SPATA13: variants seen among roughly 807,000 people sequenced by gnomAD.
SPATA13 encodes the protein spermatogenesis-associated protein 13.
In SPATA13, 50 loss-of-function variants were observed where a neutral mutation model predicts 104.0. That is an observed-to-expected ratio of 0.48 (90% CI 0.38 to 0.61). SPATA13 has a LOEUF of 0.61. SPATA13 is among the 20% of genes least tolerant of loss of function. SPATA13 has a pLI of 0.00. For synonymous variants in SPATA13, 606 were observed against 667.5 expected, an observed-to-expected ratio of 0.91 and a Z score of 1.42; for missense variants, 1,524 against 1,690.6, an observed-to-expected ratio of 0.90 and a Z score of 1.73.
At chr13:24,183,381 G>T (rs529899850) in intron 1 of SPATA13, among the ~76,000 whole-genome samples, 3 of 152,194 alleles carry the variant, frequency 2.0e-5, no homozygotes, top group Admixed American at 6.5e-5. Flanking sequence ...ATTTAACAAC[G>T]GCATCATCAT....
chr13:24,243,248 G>A (rs1566169319), intron 2 of SPATA13, among the ~76,000 whole-genome samples: 2 of 152,062 alleles, frequency 1.3e-5, no homozygotes, highest in Admixed American at 6.6e-5. Flanking sequence ...ACTACGTTAC[G>A]GCTCTTTTAA....
chr13:24,301,985 A>G (rs1877218394), intron 12 of SPATA13, among the ~76,000 whole-genome samples: 1 of 152,186 alleles, frequency 6.6e-6, no homozygotes, highest in Non-Finnish European at 1.5e-5. Flanking sequence ...TCATTTCCCC[A>G]GTAATCCCAG....
intron 1 of SPATA13, among the ~76,000 whole-genome samples, chr13:24,189,457 G>C (rs1869370481): frequency 7.3e-6 from 1 of 136,432 alleles, no homozygotes; most frequent in Non-Finnish European, 1.6e-5. Flanking sequence ...CTGGGTGACA[G>C]AGCGAGACTC....
At chr13:24,199,676 C>G (rs185496231) in intron 1 of SPATA13, among the ~76,000 whole-genome samples, 2 of 152,236 alleles carry the variant, frequency 1.3e-5, no homozygotes, top group African/African-American at 4.8e-5. Flanking sequence ...GTCTTGTGAT[C>G]TAAGCTCTAC....
intron 1 of SPATA13, among the ~76,000 whole-genome samples, chr13:24,203,054 T>A (rs189554463): frequency 3.3e-4 from 50 of 152,232 alleles, no homozygotes; most frequent in Non-Finnish European, 5.4e-4. Context: ...GCCATGGTGG[T>A]TGGCTGCAGA....
intron 3 of SPATA13, among the ~76,000 whole-genome samples, chr13:24,081,866 G>A (rs543150238): frequency 1.3e-5 from 2 of 152,208 alleles, no homozygotes; most frequent in East Asian, 1.9e-4. Flanking sequence ...CACTTTCCAC[G>A]CCCACAGACA....
chr13:24,160,292 T>A (rs781072090), upstream of SPATA13, among the ~76,000 whole-genome samples: 1 of 152,124 alleles, frequency 6.6e-6, no homozygotes, highest in Non-Finnish European at 1.5e-5. Flanking sequence ...GTCCTCCAGG[T>A]TGGAGTGCAG....
intron 4 of SPATA13, among the ~76,000 whole-genome samples, chr13:24,268,560 A>G (rs1874399626): frequency 6.6e-6 from 1 of 152,166 alleles, no homozygotes; most frequent in East Asian, 1.9e-4. Flanking sequence ...GGAGTTTGAG[A>G]CCAGCCTGAC....
At chr13:24,107,200 A>G (rs12875066) in intron 3 of SPATA13, among the ~76,000 whole-genome samples, 9,488 of 130,526 alleles carry the variant, frequency 0.073, 577 homozygotes, top group African/African-American at 0.17. Flanking sequence ...ATGATCACAC[A>G]GTGGCTGGGT....
At chr13:24,143,124 G>A (rs755589358) in intron 3 of SPATA13, among the ~76,000 whole-genome samples, 6 of 152,224 alleles carry the variant, frequency 3.9e-5, no homozygotes, top group Non-Finnish European at 5.9e-5. Flanking sequence ...CTCATCTTCA[G>A]TCTCCATCCA....
chr13:24,097,868 G>T (rs1465843555), intron 3 of SPATA13, among the ~76,000 whole-genome samples: 7 of 152,176 alleles, frequency 4.6e-5, no homozygotes, highest in African/African-American at 1.7e-4. Context: ...AAACCGCGGA[G>T]AACAGAATCA....
At chr13:24,178,758 C>CT (rs1244964845) in intron 1 of SPATA13, among the ~76,000 whole-genome samples, 25 of 151,976 alleles carry the variant, frequency 1.6e-4, no homozygotes, top group Admixed American at 1.4e-3. Flanking sequence ...CTCTTTGTTT[C>CT]TTTTTTTTAA....
intron 3 of SPATA13, among the ~76,000 whole-genome samples, chr13:24,147,742 C>T (rs1221010776): frequency 6.7e-6 from 1 of 150,152 alleles, no homozygotes; most frequent in Non-Finnish European, 1.5e-5. Context: ...ACCCATTAAA[C>T]ATTAACTCCC....
chr13:24,218,802 G>A (rs1871404376), intron 1 of SPATA13, among the ~76,000 whole-genome samples: 1 of 151,682 alleles, frequency 6.6e-6, no homozygotes, highest in Non-Finnish European at 1.5e-5. Flanking sequence ...TGTGACCCAG[G>A]AAAGCCAGAA....
In SPATA13 at chr13:24,160,903, T is replaced by G. The variant is rs901525027; in HGVS notation, c.-141T>G. 1 of 985,388 alleles carries G rather than the reference T, an allele frequency of 1.0e-6. No individual in the cohort carries two copies. The highest frequency in any genetic ancestry group is 1.7e-5 in the African/African-American group (1 of 57,190). The allele number at this position is 985,388 out of a possible 1,614,324, so 61.0% of individuals were successfully genotyped here. On this transcript the variant is annotated 5_prime_UTR_variant, in exon 1 of 13. Coordinates refer to ENST00000382108, the MANE Select transcript of SPATA13 (RefSeq NM_001166271.3). ...AGGGACGTGTTGGACACGCTGACTT[T>G]GTAGGCTCCGCCAAGAGGCGCCGCA...
chr13:24,048,611 T>C (rs1041148213), intron 3 of SPATA13, among the ~76,000 whole-genome samples: 1 of 152,146 alleles, frequency 6.6e-6, no homozygotes, highest in East Asian at 1.9e-4. Flanking sequence ...AGTTAGGTTC[T>C]TGATGATGAA....
intron 3 of SPATA13, among the ~76,000 whole-genome samples, chr13:24,131,298 T>A (rs1392411353): frequency 1.3e-5 from 2 of 152,192 alleles, no homozygotes; most frequent in African/African-American, 2.4e-5. Context: ...TAGTCCTCTT[T>A]CCTATGATGC....
chr13:24,035,599 T>C (rs895660773), intron 3 of SPATA13, among the ~76,000 whole-genome samples: 2 of 152,064 alleles, frequency 1.3e-5, no homozygotes, highest in African/African-American at 2.4e-5. Flanking sequence ...GAAACAAACA[T>C]GAGAAAAACA....
chr13:24,270,571 G>C, intron 4 of SPATA13: 1 of 508,030 alleles, frequency 2.0e-6, no homozygotes, highest in Non-Finnish European at 3.5e-6. Flanking sequence ...GCTTGTGAGT[G>C]TGTTTGTCTT....
Sources: gnomAD v4.1 joint callset for allele counts (sites outside exome capture counted in the v4.1 genomes callset) on GRCh38, gnomAD v4.1.1 for gene constraint, MANE v1.5 for transcripts, NCBI Gene and HGNC (gene_info 2026-07-23, HGNC 2026-07-21) for gene names.